The following GPBP1L1 variants were observed in gnomAD, a reference collection of about 807,000 sequenced individuals.
GPBP1L1 encodes the protein GC-rich promoter binding protein 1 like 1.
In GPBP1L1, 23 loss-of-function variants were observed where a neutral mutation model predicts 52.5. That is an observed-to-expected ratio of 0.44 (90% CI 0.32 to 0.62). GPBP1L1 has a LOEUF of 0.62. GPBP1L1 is among the 20% of genes least tolerant of loss of function. The pLI is 0.06. For missense variants in GPBP1L1, 596 were observed against 579.3 expected, an observed-to-expected ratio of 1.03 and a Z score of -0.30; for synonymous variants, 243 against 203.1, an observed-to-expected ratio of 1.20 and a Z score of -1.67.
chr1:45,656,620 G>A (rs905169395), intron 4 of GPBP1L1, among the ~76,000 whole-genome samples: 12 of 150,742 alleles, frequency 8.0e-5, no homozygotes, highest in Admixed American at 1.3e-4. Flanking sequence ...CTTCCCCATT[G>A]AATTACCTTT....
At chr1:45,632,063 A>C (rs1381554576) in intron 10 of GPBP1L1, among the ~76,000 whole-genome samples, 1 of 151,994 alleles carries the variant, frequency 6.6e-6, no homozygotes, top group Non-Finnish European at 1.5e-5. Flanking sequence ...TCTACTACAT[A>C]CAAAAAAAAT....
At chr1:45,652,631 A>T (rs565509641) in intron 6 of GPBP1L1, among the ~76,000 whole-genome samples, 3 of 152,342 alleles carry the variant, frequency 2.0e-5, no homozygotes, top group African/African-American at 7.2e-5. Flanking sequence ...GATACAAATT[A>T]TGTTAAAATC....
At chr1:45,659,195 G>A (rs993346211) in intron 3 of GPBP1L1, 53 bp from the exon 4 acceptor site, 1 of 1,030,604 alleles carries the variant, frequency 9.7e-7, no homozygotes, top group Non-Finnish European at 1.5e-6. Context: ...TGATACCAAT[G>A]TGTAAAGGAA....
upstream of GPBP1L1, chr1:45,687,986 A>G (rs1362762559): frequency 6.6e-6 from 1 of 152,136 alleles, no homozygotes; most frequent in Non-Finnish European, 1.5e-5. Context: ...TACTTACCCG[A>G]ACTCTGTGGG....
chr1:45,651,571 G>A (rs1644819860), intron 6 of GPBP1L1: 2 of 624,692 alleles, frequency 3.2e-6, no homozygotes, highest in East Asian at 2.9e-5. Flanking sequence ...GGCAGCGCAA[G>A]GCCTGGATGA....
intron 6 of GPBP1L1, among the ~76,000 whole-genome samples, chr1:45,645,594 A>G (rs991615528): frequency 3.3e-5 from 5 of 152,170 alleles, no homozygotes; most frequent in South Asian, 2.1e-4. Flanking sequence ...GTGAGATCAT[A>G]TAACTATCAC....
At chr1:45,652,304 T>A (rs1392111016) in intron 6 of GPBP1L1, among the ~76,000 whole-genome samples, 1 of 152,242 alleles carries the variant, frequency 6.6e-6, no homozygotes, top group Non-Finnish European at 1.5e-5. Flanking sequence ...AGAATTACAG[T>A]ATGAATTATT....
chr1:45,666,473 G>A (rs1250483349), intron 2 of GPBP1L1, among the ~76,000 whole-genome samples: 1 of 152,060 alleles, frequency 6.6e-6, no homozygotes, highest in East Asian at 1.9e-4. Context: ...TGCCTATTAA[G>A]CCACTAATAC....
chr1:45,630,724 CCA>C, intron 10 of GPBP1L1, 118 bp from the exon 11 acceptor site: 4 of 1,167,242 alleles, frequency 3.4e-6, no homozygotes, highest in Non-Finnish European at 4.7e-6. Flanking sequence ...CAGCCTCAGC[CCA>C]CAGATTTTTT....
chr1:45,646,620 A>C (rs1644749977), intron 6 of GPBP1L1, among the ~76,000 whole-genome samples: 1 of 150,772 alleles, frequency 6.6e-6, no homozygotes, highest in Non-Finnish European at 1.5e-5. Flanking sequence ...CAGTGGCGCG[A>C]TCTCAGCTCA....
At chr1:45,661,320 A>C (rs1644944756) in intron 2 of GPBP1L1, 95 bp from the exon 3 acceptor site, 1 of 152,210 alleles carries the variant, frequency 6.6e-6, no homozygotes, top group African/African-American at 2.4e-5. Context: ...TAAATAATGA[A>C]ATCAAGGTCC....
intron 10 of GPBP1L1, 24 bp from the exon 11 acceptor site, chr1:45,630,630 A>G: frequency 6.2e-7 from 1 of 1,612,952 alleles, no homozygotes; most frequent in South Asian, 1.1e-5. Context: ...AAGGAAGGAC[A>G]CAGTTGGTTT....
At chr1:45,628,484 G>T in intron 12 of GPBP1L1, 76 bp from the exon 13 acceptor site, 2 of 1,408,840 alleles carry the variant, frequency 1.4e-6, no homozygotes, top group Non-Finnish European at 1.9e-6. Flanking sequence ...CCTGGGAAAG[G>T]CCAGGCCTCA....
At chr1:45,680,531 G>C (rs936526269) in intron 2 of GPBP1L1, among the ~76,000 whole-genome samples, 2 of 151,898 alleles carry the variant, frequency 1.3e-5, no homozygotes, top group Non-Finnish European at 2.9e-5. Flanking sequence ...GAGCCACCAT[G>C]ACCAGCTGAG....
intron 2 of GPBP1L1, among the ~76,000 whole-genome samples, chr1:45,665,715 G>C (rs1314714827): frequency 7.4e-6 from 1 of 135,580 alleles, no homozygotes; most frequent in African/African-American, 2.8e-5. Context: ...CTGCACTCCA[G>C]CCTGGGCAAC....
intron 2 of GPBP1L1, among the ~76,000 whole-genome samples, chr1:45,662,943 C>T (rs1644963551): frequency 6.7e-6 from 1 of 150,106 alleles, no homozygotes; most frequent in Non-Finnish European, 1.5e-5. Flanking sequence ...TCCAGCTACT[C>T]AGGAGGCTGA....
At chr1:45,640,554 C>A (rs1644659145) in intron 7 of GPBP1L1, 151 bp from the exon 8 acceptor site, 3 of 648,788 alleles carry the variant, frequency 4.6e-6, no homozygotes, top group Non-Finnish European at 8.2e-6. Context: ...TAGATACTCT[C>A]AAAAGTGAGA....
intron 6 of GPBP1L1, among the ~76,000 whole-genome samples, chr1:45,643,693 A>G (rs972849232): frequency 1.8e-4 from 19 of 107,396 alleles, no homozygotes; most frequent in Admixed American, 9.3e-4. Flanking sequence ...TTTTTGTGAC[A>G]GAGTGTCACT....
At chr1:45,643,686 T>G (rs1325739377) in intron 6 of GPBP1L1, among the ~76,000 whole-genome samples, 11 of 116,578 alleles carry the variant, frequency 9.4e-5, no homozygotes, top group South Asian at 3.1e-4. Flanking sequence ...TTTTTTTTTT[T>G]TGTGACAGAG....
Sources: allele counts gnomAD v4.1 joint callset (sites outside exome capture counted in the v4.1 genomes callset), GRCh38; gene constraint gnomAD v4.1.1; transcripts MANE v1.5; gene names NCBI Gene and HGNC (gene_info 2026-07-23, HGNC 2026-07-21).